The following ZNF620 variants were observed in gnomAD, a reference collection of about 807,000 sequenced individuals.
ZNF620 encodes zinc finger protein 620.
ZNF620 carries 10 observed loss-of-function variants against 13.3 expected under a neutral mutation model. The observed-to-expected ratio is 0.75, with a 90% CI of 0.46 to 1.28. ZNF620 has a LOEUF of 1.28. ZNF620 is among the 50% of genes most tolerant of loss of function. The pLI is 0.00. For missense variants in ZNF620, 461 were observed against 500.2 expected (o/e 0.92, Z 0.75); for synonymous variants, 166 against 177.6 (o/e 0.93, Z 0.52).
In ZNF620 at chr3:40,516,103, T is replaced by G. The variant is rs866239832; in HGVS notation, c.509T>G (p.Phe170Cys). 6.2e-7 allele frequency: 1 copy of G among 1,613,968 alleles called. No individual in the cohort carries two copies. The highest frequency in any genetic ancestry group is 1.3e-5 in the African/African-American group (1 of 74,966). The change falls in exon 5 of 5, where the codon TTT becomes TGT. Residue 170 changes from phenylalanine to cysteine, a missense_variant. Phe to Cys is a radical substitution (Grantham distance 205). Transcript: ENST00000314529. ...TATGAGGTCAAGAATGGAGAGAAGT[T>G]TGAGAAATTAGGAAAAAATATTAGC... ...EAYEVKNGEK[F>C]EKLGKNISVS...
chr3:40,508,505 A>C (rs952838869), intron 2 of ZNF620, among the ~76,000 whole-genome samples: 9 of 152,168 alleles, frequency 5.9e-5, no homozygotes, highest in Admixed American at 1.3e-4. Flanking sequence ...ATTTAATTGC[A>C]TTACAGTCAG....
Position 40,516,428 on chromosome 3 carries a change from G to A in ZNF620, c.834G>A (p.Lys278=), listed in dbSNP as rs544424907. The A allele has an allele frequency of 4.0e-5, 64 of 1,614,220 alleles. No homozygotes were observed. In the South Asian group the frequency reaches 6.9e-4, roughly 17 times the overall value. The part of the protein sequence containing the change: ...IQHQRIHTGE[K]PYECKECGKA... The stretch of plus-strand genomic sequence containing the variant: ...ATCAGAGAATCCACACTGGAGAAAA[G>A]CCCTATGAATGTAAGGAGTGCGGCA... Residue 278 remains lysine, a synonymous_variant, in exon 5 of 5, where the codon AAG becomes AAA. Coordinates refer to ENST00000314529, the MANE Select transcript of ZNF620 (RefSeq NM_175888.4).
intron 3 of ZNF620, 107 bp downstream of exon 3, chr3:40,511,703 C>T: frequency 7.1e-7 from 1 of 1,413,796 alleles, no homozygotes; most frequent in Non-Finnish European, 9.4e-7. Context: ...TTTTTTGAGA[C>T]AAGAGTCTCC....
At chr3:40,510,954 T>C (rs1698177910) in intron 2 of ZNF620, among the ~76,000 whole-genome samples, 1 of 152,130 alleles carries the variant, frequency 6.6e-6, no homozygotes, top group South Asian at 2.1e-4. Context: ...TTCACCCTGT[T>C]GGCAACATCG....
At chr3:40,515,460 C>G (rs1471743970) in intron 4 of ZNF620, among the ~76,000 whole-genome samples, 1 of 152,258 alleles carries the variant, frequency 6.6e-6, no homozygotes, top group Non-Finnish European at 1.5e-5. Flanking sequence ...CCTGCCCCTT[C>G]TCTAATCTTG....
At chr3:40,511,898 T>G (rs913182724) in intron 3 of ZNF620, among the ~76,000 whole-genome samples, 1 of 152,012 alleles carries the variant, frequency 6.6e-6, no homozygotes, top group African/African-American at 2.4e-5. Flanking sequence ...GCCAGGCTGG[T>G]CTCGAACTCC....
chr3:40,516,895 C>G lies in ZNF620; in HGVS notation c.*32C>G. ...CCATAGTTAGGCCCACTGTGCCTCT[C>G]CTTTTTTCTCTTTATTTTCATGCTT... On this transcript the variant is annotated 3_prime_UTR_variant, in exon 5 of 5. Coordinates refer to ENST00000314529, the MANE Select transcript of ZNF620 (RefSeq NM_175888.4). 1 of 1,534,506 alleles carries G rather than the reference C, an allele frequency of 6.5e-7. No homozygotes were observed.
chr3:40,514,302 C>T (rs1575293032), intron 4 of ZNF620, among the ~76,000 whole-genome samples: 1 of 152,172 alleles, frequency 6.6e-6, no homozygotes, highest in East Asian at 1.9e-4. Flanking sequence ...GGCCCCCTGT[C>T]TGGTGGACAT....
chr3:40,509,451 C>T (rs1346793557), intron 2 of ZNF620, among the ~76,000 whole-genome samples: 1 of 152,046 alleles, frequency 6.6e-6, no homozygotes, highest in Non-Finnish European at 1.5e-5. Context: ...AGGCTGGTCT[C>T]GAACTCTTGG....
At position 40,516,081 on chromosome 3, in the gene ZNF620, G is replaced by A. The variant is rs1240749900; in HGVS notation, c.487G>A (p.Glu163Lys). 1 of 1,614,152 alleles carries A rather than the reference G, an allele frequency of 6.2e-7. No individual in the cohort carries two copies. The highest frequency in any genetic ancestry group is 1.7e-5 in the Admixed American group (1 of 60,022). Residue 163 changes from glutamate (E) to lysine (K), a missense_variant, in exon 5 of 5, where the codon GAG (glutamate) becomes AAG (lysine). Transcript: ENST00000314529. ...CTCAGCCAGGCACCATGAGGCCTAT[G>A]AGGTCAAGAATGGAGAGAAGTTTGA... is the stretch of plus-strand genomic sequence containing the variant. ...DTSARHHEAY[E>K]VKNGEKFEKL...
At position 40,517,959 on chromosome 3, in the gene ZNF620, G is replaced by T. The variant is rs1037514548; in HGVS notation, c.*1096G>T. On this transcript the variant is annotated 3_prime_UTR_variant, in exon 5 of 5. Transcript: ENST00000314529. ...ACCCACCCTACTTATTCTTCAGTTTGTCTTCACTAGACAGTTGTACTCTGT... is the reference window on the plus strand; with the variant it reads ...ACCCACCCTACTTATTCTTCAGTTTTTCTTCACTAGACAGTTGTACTCTGT... 1.3e-5 allele frequency: 2 copies of T among 152,200 alleles called. No homozygotes were observed. Among genetic ancestry groups the T allele is most frequent in the South Asian group, 4.1e-4 (2 of 4,834 alleles). 9.4% of individuals were successfully genotyped at this position (152,200 alleles called of 1,614,324 possible). A position where few individuals can be genotyped will look rare whatever the true frequency, so the allele number is the denominator to read the frequency against.
rs919759614 is a variant in ZNF620 at position 40,506,323 on chromosome 3, G to A, written c.-30G>A. ...CTTCAGTTTCACTTCTCCGAACCCT[G>A]AGGCAGTGTGTGAAGCTGGGACGCC... On this transcript the variant is annotated 5_prime_UTR_variant, in exon 2 of 5. Coordinates refer to ENST00000314529, the MANE Select transcript of ZNF620 (RefSeq NM_175888.4). 1.2e-5 allele frequency: 19 copies of A among 1,613,964 alleles called. No homozygotes were observed. The African/African-American group carries it at 2.4e-4, about 20-fold the overall frequency.
chr3:40,515,755 T>C (rs1057338958), intron 4 of ZNF620, 105 bp from the exon 5 acceptor site: 16 of 1,399,078 alleles, frequency 1.1e-5, no homozygotes, highest in Non-Finnish European at 1.5e-5. Context: ...AACCACTTGA[T>C]TCTGTTTCTT....
Position 40,517,066 on chromosome 3 carries a change from A to T in ZNF620, c.*203A>T. On this transcript the variant is annotated 3_prime_UTR_variant, in exon 5 of 5. Coordinates refer to ENST00000314529, the MANE Select transcript of ZNF620 (RefSeq NM_175888.4). ...AAAACAAACAAACAAACTTAGAAAC[A>T]TAAAAGGAAATGTAAGTTTCCAGAT... 1 of 479,526 alleles carries T rather than the reference A, an allele frequency of 2.1e-6. No individual in the cohort carries two copies. Among genetic ancestry groups the T allele is most frequent in the South Asian group, 6.1e-5 (1 of 16,314 alleles). The allele number at this position is 479,526 out of a possible 1,614,324, so 29.7% of individuals were successfully genotyped here. A position where few individuals can be genotyped will look rare whatever the true frequency, so the allele number is the denominator to read the frequency against.
At chr3:40,506,272 A>G (rs569637860) in intron 1 of ZNF620, 32 bp from the exon 2 acceptor site, 93 of 1,583,700 alleles carry the variant, frequency 5.9e-5, no homozygotes, top group Middle Eastern at 5.0e-4. Context: ...GGCAGCATCA[A>G]TCTCACCGGT....
Position 40,511,587 on chromosome 3 carries a change from G to C in ZNF620, c.142G>C (p.Ala48Pro), listed in dbSNP as rs773510709. Residue 48 changes from alanine to proline, a missense_variant, in exon 3 of 5, where the codon GCT becomes CCT. Transcript: ENST00000314529. ...GATGCTGGAGAATTATGCAAATGTG[G>C]CTTCCCTGGGTAAGACATTTCTTCT... ...EVMLENYANV[A>P]SLAFPFTTPV... 6.2e-7 allele frequency: 1 copy of C among 1,613,038 alleles called. No individual in the cohort carries two copies. Among genetic ancestry groups the C allele is most frequent in the Non-Finnish European group, 8.5e-7 (1 of 1,179,540 alleles).
Position 40,516,273 on chromosome 3 carries a change from A to G in ZNF620, c.679A>G (p.Lys227Glu). Residue 227 changes from lysine to glutamate, a missense_variant, in exon 5 of 5, where the codon AAA becomes GAA. By Grantham distance (56) the Lys-to-Glu change is moderately conservative. Coordinates refer to ENST00000314529, the MANE Select transcript of ZNF620 (RefSeq NM_175888.4). ...CHTGEKSFEC[K>E]ECGKYFRYNS... is the part of the protein sequence containing the mutation. Reference sequence around the variant, plus strand: ...CACTGGTGAAAAGTCTTTTGAATGCAAAGAATGTGGAAAATACTTCAGATA... The same window carrying G: ...CACTGGTGAAAAGTCTTTTGAATGCGAAGAATGTGGAAAATACTTCAGATA... The G allele has an allele frequency of 6.2e-7, 1 of 1,614,172 alleles. No homozygotes were observed. Among genetic ancestry groups the G allele is most frequent in the Non-Finnish European group, 8.5e-7 (1 of 1,180,042 alleles).
chr3:40,512,313 T>G, intron 3 of ZNF620, 89 bp from the exon 4 acceptor site: 1 of 1,091,128 alleles, frequency 9.2e-7, no homozygotes, highest in South Asian at 1.3e-5. Flanking sequence ...TCTCACTACC[T>G]GGCTCAGCAG....
At position 40,515,435 on chromosome 3, in the gene ZNF620, G is replaced by T. The variant is rs186830651; in HGVS notation, c.266-425G>T. On this transcript the variant is annotated intron_variant, in intron 4 of 4. Coordinates refer to ENST00000314529, the MANE Select transcript of ZNF620 (RefSeq NM_175888.4). Reference sequence around the variant, plus strand: ...CTCAGCCTGTGGGACCTGTTGTAGTGCTTGAACTGCTCAGCCTGCCCCTTC... The same window carrying T: ...CTCAGCCTGTGGGACCTGTTGTAGTTCTTGAACTGCTCAGCCTGCCCCTTC... 2.6e-4 allele frequency among the ~76,000 whole-genome samples: 40 copies of T among 152,346 alleles called. No individual in the cohort carries two copies. In the East Asian group the frequency reaches 6.6e-3, roughly 25 times the overall value.
Sources: gnomAD v4.1 joint callset for allele counts (sites outside exome capture counted in the v4.1 genomes callset) on GRCh38, gnomAD v4.1.1 for gene constraint, MANE v1.5 for transcripts, NCBI Gene and HGNC (gene_info 2026-07-23, HGNC 2026-07-21) for gene names.